The following PRKN variants were observed in gnomAD, a reference collection of about 807,000 sequenced individuals.
The protein encoded by PRKN is E3 ubiquitin-protein ligase parkin.
PRKN carries 56 observed loss-of-function variants against 59.5 expected under a neutral mutation model. The ratio of observed to expected loss-of-function variants is 0.94; its 90% CI spans 0.76 to 1.18. PRKN has a LOEUF of 1.18. Among genes scored for constraint, PRKN ranks in the 50% most tolerant of loss-of-function variants. The probability of loss-of-function intolerance (pLI) is 0.00; values close to 1 mark genes in which losing one functional copy is unlikely to be tolerated. For synonymous variants in PRKN, 250 were observed against 222.1 expected (o/e 1.13, Z -1.12); for missense variants, 657 against 596.4 (o/e 1.10, Z -1.06).
intron 1 of PRKN, among the ~76,000 whole-genome samples, chr6:162,581,894 G>A (rs1413944646): frequency 6.6e-6 from 1 of 152,108 alleles, no homozygotes; most frequent in Non-Finnish European, 1.5e-5. Context: ...GAGAAGGCTG[G>A]TCAAAACCAA....
intron 9 of PRKN, among the ~76,000 whole-genome samples, chr6:161,392,682 T>G (rs1786567816): frequency 6.6e-6 from 1 of 151,918 alleles, no homozygotes; most frequent in South Asian, 2.1e-4. Flanking sequence ...TTCTCCTTGG[T>G]ATGTTTTCAA....
Position 162,086,359 on chromosome 6 carries a change from G to A in PRKN, c.535-32185C>T, listed in dbSNP as rs573759246. Reference sequence around the variant, plus strand: ...AAGACTAGGAATATAAGCAAAAGAGGAAACAAGCAGGTAGTTTGAGAGTGT... The same window carrying A: ...AAGACTAGGAATATAAGCAAAAGAGAAAACAAGCAGGTAGTTTGAGAGTGT... On this transcript the variant is annotated intron_variant, in intron 4 of 11. Coordinates refer to ENST00000366898, the MANE Select transcript of PRKN (RefSeq NM_004562.3). Among the ~76,000 whole-genome samples, 3 of 152,058 alleles carry A rather than the reference G, an allele frequency of 2.0e-5. No individual in the cohort carries two copies. In the South Asian group the frequency reaches 6.3e-4, roughly 32 times the overall value.
rs1332181177 is a variant in PRKN at position 161,826,850 on chromosome 6, GC to G, written c.735-40943del. 7.2e-5 allele frequency among the ~76,000 whole-genome samples: 11 copies of G among 152,314 alleles called. No homozygotes were observed. In the East Asian group the frequency reaches 2.1e-3, roughly 29 times the overall value. ...CAGGCAAATATGCATGATCGAAATA[GC>G]CTCCCAAACAGGAAGACTTATGTTC... is the stretch of plus-strand genomic sequence containing the variant. On this transcript the variant is annotated intron_variant, in intron 6 of 11. Transcript: ENST00000366898.
chr6:161,583,945 C>G (rs940244977), intron 7 of PRKN, among the ~76,000 whole-genome samples: 5 of 152,190 alleles, frequency 3.3e-5, no homozygotes, highest in Non-Finnish European at 7.3e-5. Flanking sequence ...GCGACTACCA[C>G]CGGGTTAAAG....
intron 7 of PRKN, among the ~76,000 whole-genome samples, chr6:161,603,395 A>G (rs775035452): frequency 6.6e-6 from 1 of 152,208 alleles, no homozygotes; most frequent in Non-Finnish European, 1.5e-5. Flanking sequence ...AATTGTTCAA[A>G]CTTTAGCCAA....
At position 162,023,536 on chromosome 6, in the gene PRKN, G is replaced by T. The variant is rs186996442; in HGVS notation, c.618+30555C>A. On this transcript the variant is annotated intron_variant, in intron 5 of 11. Transcript: ENST00000366898. The stretch of plus-strand genomic sequence containing the variant: ...TGCTGGTCGCCTGCCGGTGTTTGTC[G>T]GTGTGCTCTTCTCCTAGCCTGCTCC... Among the ~76,000 whole-genome samples the T allele has an allele frequency of 2.0e-5, 3 of 152,100 alleles. No individual in the cohort carries two copies. In the East Asian group the frequency reaches 5.8e-4, roughly 30 times the overall value.
chr6:162,521,098 T>C (rs1293064203), intron 1 of PRKN, among the ~76,000 whole-genome samples: 2 of 152,204 alleles, frequency 1.3e-5, no homozygotes, highest in Non-Finnish European at 2.9e-5. Context: ...CTGTAATAAT[T>C]TAAATAGAAA....
At chr6:162,269,579 A>T (rs1358607963) in intron 2 of PRKN, 4 of 152,298 alleles carry the variant, frequency 2.6e-5, no homozygotes, top group East Asian at 1.9e-4. Flanking sequence ...TTATCAGCAT[A>T]CTGATCAGTC....
At chr6:161,883,507 A>AGGGGGGGAGG (rs1347790313) in intron 6 of PRKN, among the ~76,000 whole-genome samples, 1 of 93,400 alleles carries the variant, frequency 1.1e-5, no homozygotes, top group African/African-American at 4.3e-5. Context: ...AGGGAAGGGA[A>AGGGGGGGAGG]GGTGGGGAGG....
intron 4 of PRKN, among the ~76,000 whole-genome samples, chr6:162,099,626 C>T (rs1779882508): frequency 6.6e-6 from 1 of 152,098 alleles, no homozygotes; most frequent in Non-Finnish European, 1.5e-5. Context: ...CTTAGCATTG[C>T]AAGCACAGTA....
rs1562540199 is a variant in PRKN, at chr6:161,582,406, C to G, written c.872-12990G>C. Among the ~76,000 whole-genome samples the G allele has an allele frequency of 7.7e-6, 1 of 130,676 alleles. No homozygotes were observed. The highest frequency in any genetic ancestry group is 7.7e-5 in the Admixed American group (1 of 12,974). 85.7% of individuals were successfully genotyped at this position (130,676 alleles called of 152,430 possible). On this transcript the variant is annotated intron_variant, in intron 7 of 11. Coordinates refer to ENST00000366898, the MANE Select transcript of PRKN (RefSeq NM_004562.3). The surrounding 1 kb of genome is among the most constrained non-coding windows in gnomAD (Gnocchi z 4.4). ...TAATCTGAACTAGGAAAGACTGCAT[C>G]TGCAGACTATTATTATTATTATTAT...
chr6:162,548,209 G>A (rs1037550209), intron 1 of PRKN, among the ~76,000 whole-genome samples: 1 of 151,978 alleles, frequency 6.6e-6, no homozygotes, highest in Non-Finnish European at 1.5e-5. Flanking sequence ...ACAGGTGCAC[G>A]CCACTACGCC....
At chr6:162,600,993 T>G (rs971428935) in intron 1 of PRKN, among the ~76,000 whole-genome samples, 15 of 152,218 alleles carry the variant, frequency 9.9e-5, no homozygotes, top group African/African-American at 3.6e-4. Flanking sequence ...TTAGTACATT[T>G]TCTGTTGCCA....
At chr6:162,130,421 C>T (rs1781305088) in intron 4 of PRKN, among the ~76,000 whole-genome samples, 1 of 152,072 alleles carries the variant, frequency 6.6e-6, no homozygotes, top group Admixed American at 6.6e-5. Flanking sequence ...CGTAATTTTG[C>T]ATGCATTTCA....
At chr6:161,629,649 T>C (rs886070920) in intron 7 of PRKN, among the ~76,000 whole-genome samples, 1 of 152,154 alleles carries the variant, frequency 6.6e-6, no homozygotes, top group Non-Finnish European at 1.5e-5. Flanking sequence ...GCTTTTTTAA[T>C]GTTTTCCATC....
Position 161,410,398 on chromosome 6 carries a change from C to A in PRKN, c.1084-23521G>T, listed in dbSNP as rs1271535139. On this transcript the variant is annotated intron_variant, in intron 9 of 11. Coordinates refer to ENST00000366898, the MANE Select transcript of PRKN (RefSeq NM_004562.3). This position sits in a 1 kb window ranked among gnomAD's most constrained non-coding sequence, Gnocchi z 5.3. ...TTTCCTGGCCTGGGGGAAGCACGTA[C>A]AATCCCTGAGCTATGAACAGTGGCA... Among the ~76,000 whole-genome samples the A allele has an allele frequency of 1.3e-5, 2 of 152,140 alleles. No individual in the cohort carries two copies. The highest frequency in any genetic ancestry group is 2.9e-5 in the Non-Finnish European group (2 of 68,036).
At position 161,361,786 on chromosome 6, in the gene PRKN, G is replaced by A. The variant is rs991727981; in HGVS notation, c.1168-1581C>T. On this transcript the variant is annotated intron_variant, in intron 10 of 11. Coordinates refer to ENST00000366898, the MANE Select transcript of PRKN (RefSeq NM_004562.3). This position sits in a 1 kb window ranked among gnomAD's most constrained non-coding sequence, Gnocchi z 5.2. ...GTGGAGTCAGCTGCTCGGAGGCAAC[G>A]GTAGGTCAATGAGTGCTTCCTTTGC... Among the ~76,000 whole-genome samples, 1 of 152,202 alleles carries A rather than the reference G, an allele frequency of 6.6e-6. No individual in the cohort carries two copies. Among genetic ancestry groups the A allele is most frequent in the African/African-American group, 2.4e-5 (1 of 41,438 alleles).
intron 3 of PRKN, among the ~76,000 whole-genome samples, chr6:162,206,615 C>T (rs974255699): frequency 2.0e-5 from 3 of 152,172 alleles, no homozygotes; most frequent in African/African-American, 7.2e-5. Context: ...CAGCCCTGCG[C>T]CTAGTCATGC....
chr6:162,422,397 G>A (rs1789016580), intron 2 of PRKN, among the ~76,000 whole-genome samples: 1 of 152,122 alleles, frequency 6.6e-6, no homozygotes, highest in African/African-American at 2.4e-5. Context: ...ATTGGCCACA[G>A]CATGAAACAG....
Sources: allele counts gnomAD v4.1 joint callset (sites outside exome capture counted in the v4.1 genomes callset), GRCh38; gene constraint gnomAD v4.1.1; non-coding constraint Gnocchi (gnomAD v3.1); transcripts MANE v1.5; gene names NCBI Gene and HGNC (gene_info 2026-07-23, HGNC 2026-07-21).